Variants in CCNH observed in about 807,000 individuals in gnomAD.
CCNH encodes the protein cyclin-H.
Under a neutral mutation model 41.9 loss-of-function variants are expected in CCNH, and 31 were observed. The observed-to-expected ratio is 0.74, with a 90% CI of 0.56 to 1.00. CCNH has a LOEUF of 1.00. Ranked by LOEUF, CCNH falls within the 50% of genes least tolerant of loss-of-function variation. The probability of loss-of-function intolerance (pLI) is 0.00; values close to 1 mark genes in which losing one functional copy is unlikely to be tolerated. For missense variants in CCNH, 362 were observed against 388.4 expected (o/e 0.93, Z 0.57); for synonymous variants, 138 against 136.1 (o/e 1.01, Z -0.10).
At chr5:87,380,549 C>G, upstream of CCNH, 1 of 1,613,384 alleles carries the variant, frequency 6.2e-7, no homozygotes, top group Non-Finnish European at 8.5e-7. Flanking sequence ...GAAATCTGTT[C>G]AGCATAAGTG....
At chr5:87,366,249 T>G (rs1760505095) in intron 9 of CCNH, 1 of 236,450 alleles carries the variant, frequency 4.2e-6, no homozygotes, top group Non-Finnish European at 9.2e-6. Flanking sequence ...TACTTACAAC[T>G]GCAATTAGAT....
intron 4 of CCNH, 60 bp from the exon 5 acceptor site, chr5:87,405,067 G>A: frequency 4.0e-6 from 5 of 1,242,830 alleles, no homozygotes; most frequent in Non-Finnish European, 5.7e-6. Context: ...TATAACAACA[G>A]TTTAAAAATT....
At chr5:87,407,812 C>T (rs774602602) in intron 4 of CCNH, among the ~76,000 whole-genome samples, 164 bp downstream of exon 4, 8 of 152,100 alleles carry the variant, frequency 5.3e-5, no homozygotes, top group Non-Finnish European at 2.9e-5. Flanking sequence ...ACTGATGATG[C>T]CCACTGAAGT....
chr5:87,357,837 C>T (rs114303918), intron 9 of CCNH, among the ~76,000 whole-genome samples: 1,832 of 152,240 alleles, frequency 0.012, 30 homozygotes, highest in African/African-American at 0.041. Context: ...AACAAACCTC[C>T]AATTGGTTTT....
chr5:87,315,586 G>A (rs1756266472), downstream of CCNH, among the ~76,000 whole-genome samples: 1 of 152,178 alleles, frequency 6.6e-6, no homozygotes, highest in African/African-American at 2.4e-5. Context: ...AAAGAAGTGT[G>A]CTATCTTTTG....
chr5:87,376,636 A>G, exon 1 of CCNH: 1 of 1,531,596 alleles, frequency 6.5e-7, no homozygotes, highest in East Asian at 2.3e-5. Context: ...TAAAAGATCC[A>G]TTAAGGTAAA....
intron 6 of CCNH, among the ~76,000 whole-genome samples, chr5:87,400,382 A>G (rs994319736): frequency 1.3e-5 from 2 of 152,240 alleles, no homozygotes; most frequent in African/African-American, 2.4e-5. Context: ...AAACAAGTGG[A>G]GCAAAATAAA....
At chr5:87,400,779 CAAG>C (rs1237313808) in intron 6 of CCNH, among the ~76,000 whole-genome samples, 1 of 152,142 alleles carries the variant, frequency 6.6e-6, no homozygotes, top group Non-Finnish European at 1.5e-5. Context: ...ACAATTTACA[CAAG>C]AAGGTTTGGA....
intron 3 of CCNH, 141 bp downstream of exon 3, chr5:87,409,149 T>C (rs1323444631): frequency 1.3e-5 from 5 of 395,610 alleles, no homozygotes; most frequent in South Asian, 7.2e-5. Flanking sequence ...AAAAAAAAAA[T>C]AGAATTCAAG....
chr5:87,380,453 G>A (rs1761630871), upstream of CCNH: 3 of 1,444,486 alleles, frequency 2.1e-6, no homozygotes, highest in East Asian at 2.3e-5. Context: ...TTGGCTGCTA[G>A]GAGATCAGTG....
intron 9 of CCNH, chr5:87,341,394 CA>C (rs1281181204): frequency 5.2e-5 from 57 of 1,099,216 alleles, no homozygotes; most frequent in South Asian, 1.9e-4. Context: ...AAACTTTGGC[CA>C]AAAAAATTGT....
At chr5:87,372,359 G>A (rs555575137), downstream of CCNH, among the ~76,000 whole-genome samples, 2 of 152,208 alleles carry the variant, frequency 1.3e-5, no homozygotes, top group East Asian at 3.9e-4. Flanking sequence ...GAAAGAGAAT[G>A]TTCTTTCTTA....
At chr5:87,365,787 CAAAG>C (rs1760470577) in intron 9 of CCNH, among the ~76,000 whole-genome samples, 1 of 151,510 alleles carries the variant, frequency 6.6e-6, no homozygotes, top group Non-Finnish European at 1.5e-5. Flanking sequence ...TACTTTGAAA[CAAAG>C]AAGGTCCTAT....
At chr5:87,360,665 T>C (rs535421422) in intron 9 of CCNH, among the ~76,000 whole-genome samples, 1 of 152,304 alleles carries the variant, frequency 6.6e-6, no homozygotes, top group South Asian at 2.1e-4. Context: ...TACAAAAATT[T>C]AGTCTCATTT....
At chr5:87,384,782 T>C (rs145625325) in intron 9 of CCNH, among the ~76,000 whole-genome samples, 19 of 152,272 alleles carry the variant, frequency 1.2e-4, no homozygotes, top group Admixed American at 5.9e-4. Context: ...CTTTAAAATA[T>C]TTTAAAAGTT....
chr5:87,339,427 C>T (rs2112392692), intron 9 of CCNH, among the ~76,000 whole-genome samples: 1 of 152,286 alleles, frequency 6.6e-6, no homozygotes, highest in East Asian at 1.9e-4. Flanking sequence ...AAGCATCTTA[C>T]TATGATAGTT....
downstream of CCNH, among the ~76,000 whole-genome samples, chr5:87,371,283 T>G (rs1224934609): frequency 6.6e-6 from 1 of 152,082 alleles, no homozygotes; most frequent in Non-Finnish European, 1.5e-5. Context: ...TCTCTTCTAT[T>G]TCAAAAAGCT....
At chr5:87,395,248 G>T in intron 7 of CCNH, 144 bp from the exon 8 acceptor site, 1 of 566,704 alleles carries the variant, frequency 1.8e-6, no homozygotes. Flanking sequence ...AAACAGCTAT[G>T]GGGTAGGGAA....
chr5:87,386,900 T>G (rs780408729), downstream of CCNH: 1 of 1,610,568 alleles, frequency 6.2e-7, no homozygotes. Context: ...TAGATGAACT[T>G]GGGGTATGTA....
Sources: gnomAD v4.1 joint callset for allele counts (sites outside exome capture counted in the v4.1 genomes callset) on GRCh38, gnomAD v4.1.1 for gene constraint, MANE v1.5 for transcripts, NCBI Gene and HGNC (gene_info 2026-07-23, HGNC 2026-07-21) for gene names.